The following MAP4K2 variants were observed in gnomAD, a reference collection of about 807,000 sequenced individuals.
MAP4K2 encodes the protein B lymphocyte serine/threonine protein kinase.
Under a neutral mutation model 125.3 loss-of-function variants are expected in MAP4K2, and 85 were observed. That is an observed-to-expected ratio of 0.68 (90% CI 0.57 to 0.81). The LOEUF is 0.81. Ranked by LOEUF, MAP4K2 falls within the 40% of genes least tolerant of loss-of-function variation. The pLI is 0.00. For synonymous variants in MAP4K2, 479 were observed against 445.1 expected (o/e 1.08, Z -0.96); for missense variants, 923 against 1,056.4 (o/e 0.87, Z 1.75).
At chr11:64,790,155 G>C in intron 29 of MAP4K2, 33 bp downstream of exon 29, 1 of 1,611,100 alleles carries the variant, frequency 6.2e-7, no homozygotes, top group African/African-American at 1.3e-5. Flanking sequence ...CCAGGCCAGG[G>C]AAAGGCCTGC....
Position 64,788,762 on chromosome 11 carries a change from TGGAG to T in MAP4K2, c.*771_*774del, listed in dbSNP as rs1425175042. 1 of 152,260 alleles carries T rather than the reference TGGAG, an allele frequency of 6.6e-6. No homozygotes were observed. The highest frequency in any genetic ancestry group is 1.5e-5 in the Non-Finnish European group (1 of 68,104). 9.4% of individuals were successfully genotyped at this position (152,260 alleles called of 1,614,324 possible). A position where few individuals can be genotyped will look rare whatever the true frequency, so the allele number is the denominator to read the frequency against. On this transcript the variant is annotated 3_prime_UTR_variant, in exon 32 of 32. Coordinates refer to ENST00000294066, the MANE Select transcript of MAP4K2 (RefSeq NM_004579.5). ...CCATGGGCAGCAGCCTCCATGGGAA[TGGAG>T]GGAACAGCCCTCTGGGGGCTCCTCC...
intron 7 of MAP4K2, 36 bp downstream of exon 7, chr11:64,801,543 G>T (rs529644955): frequency 6.2e-7 from 1 of 1,612,924 alleles, no homozygotes; most frequent in South Asian, 1.1e-5. Context: ...AGGGTCCACA[G>T]AGCCCTCACC....
Position 64,796,885 on chromosome 11 carries a change from G to A in MAP4K2, c.1416C>T (p.Ala472=), listed in dbSNP as rs1318773544. 1.2e-6 allele frequency: 2 copies of A among 1,613,992 alleles called. No homozygotes were observed. Among genetic ancestry groups the A allele is most frequent in the East Asian group, 4.5e-5 (2 of 44,884 alleles). The change falls in exon 21 of 32, where the codon GCC becomes GCT. Residue 472 remains alanine (A), a synonymous_variant. Coordinates refer to ENST00000294066, the MANE Select transcript of MAP4K2 (RefSeq NM_004579.5). ...LPPTPKVHMG[A]CFSKVFNGCP... The stretch of plus-strand genomic sequence containing the variant: ...AGCCATTGAAGACCTTGGAGAAGCA[G>A]GCGCCCATCTGCAGAGGAGGCAAGA...
chr11:64,789,489 G>T lies in MAP4K2; in HGVS notation c.*48C>A, dbSNP rs1335737945. On this transcript the variant is annotated 3_prime_UTR_variant, in exon 32 of 32. Transcript: ENST00000294066. ...GCCCCTTTGCCCAAAAGGGCCTGCA[G>T]CTAAGGCGTGGGGTGGGGCGGGGAG... 1.3e-6 allele frequency: 2 copies of T among 1,526,276 alleles called. No individual in the cohort carries two copies. The highest frequency in any genetic ancestry group is 1.4e-5 in the African/African-American group (1 of 72,650). 94.5% of individuals were successfully genotyped at this position (1,526,276 alleles called of 1,614,324 possible). A position where few individuals can be genotyped will look rare whatever the true frequency, so the allele number is the denominator to read the frequency against.
rs569452138 is a variant in MAP4K2 at position 64,787,347 on chromosome 11, A to C, written c.*2190T>G. On this transcript the variant is annotated 3_prime_UTR_variant, in exon 32 of 32. Coordinates refer to ENST00000294066, the MANE Select transcript of MAP4K2 (RefSeq NM_004579.5). ...CCTGGCCCCCCAGGATATATTTTTAAAGGGCAAGGTCAGTACAGTATGTGG... is the reference window on the plus strand; with the variant it reads ...CCTGGCCCCCCAGGATATATTTTTACAGGGCAAGGTCAGTACAGTATGTGG... 45 of 152,174 alleles carry C rather than the reference A, an allele frequency of 3.0e-4. No homozygotes were observed. Among genetic ancestry groups the C allele is most frequent in the African/African-American group, 1.1e-3 (44 of 41,522 alleles). The allele number at this position is 152,174 out of a possible 1,614,324, so 9.4% of individuals were successfully genotyped here.
chr11:64,790,149 G>A (rs1306292701), intron 29 of MAP4K2, 39 bp downstream of exon 29: 1 of 1,609,800 alleles, frequency 6.2e-7, no homozygotes, highest in East Asian at 2.2e-5. Context: ...CGTGCTCCAG[G>A]CCAGGGAAAG....
Position 64,796,852 on chromosome 11 carries a change from CA to C in MAP4K2, c.1448del (p.Leu483ArgfsTer21). 10 of 1,613,852 alleles carry C rather than the reference CA, an allele frequency of 6.2e-6. No individual in the cohort carries two copies. The highest frequency in any genetic ancestry group is 8.5e-6 in the Non-Finnish European group (10 of 1,180,036). On this transcript the variant is annotated frameshift_variant, in exon 21 of 32. Transcript: ENST00000294066. LOFTEE classifies it high-confidence loss of function. ...TCCAGGTGACAGCAGCGTGGATCCGCAGGGGGCAGCCATTGAAGACCTTGGA... is the reference window on the plus strand; with the variant it reads ...TCCAGGTGACAGCAGCGTGGATCCGCGGGGGCAGCCATTGAAGACCTTGGA... Reference protein sequence around the residue: ...CFSKVFNGCPLRIHAAVTWIH... With the variant: ...CFSKVFNGCPXRIHAAVTWIH...
intron 15 of MAP4K2, among the ~76,000 whole-genome samples, chr11:64,798,580 A>C (rs570562740): frequency 6.6e-6 from 1 of 151,868 alleles, no homozygotes; most frequent in Non-Finnish European, 1.5e-5. Context: ...GATTACAGGC[A>C]TGAGCCACCC....
chr11:64,792,876 C>T (rs190503213), intron 24 of MAP4K2, among the ~76,000 whole-genome samples: 2 of 152,270 alleles, frequency 1.3e-5, no homozygotes, highest in East Asian at 3.9e-4. Context: ...GACTTTCCAC[C>T]TATTTTGAGT....
chr11:64,799,317 G>T, intron 14 of MAP4K2, 104 bp downstream of exon 14: 1 of 1,427,488 alleles, frequency 7.0e-7, no homozygotes, highest in Non-Finnish European at 9.7e-7. Context: ...AAGGCCCGAG[G>T]CCACCCAGCT....
intron 4 of MAP4K2, 136 bp from the exon 5 acceptor site, chr11:64,802,257 G>C: frequency 9.3e-7 from 1 of 1,075,302 alleles, no homozygotes; most frequent in East Asian, 2.5e-5. Context: ...GTTTAGTCTA[G>C]GATACTGAAC....
Position 64,800,334 on chromosome 11 carries a change from G to T in MAP4K2, c.784C>A (p.Pro262Thr). 9 of 1,614,104 alleles carry T rather than the reference G, an allele frequency of 5.6e-6. No homozygotes were observed. Among genetic ancestry groups the T allele is most frequent in the Non-Finnish European group, 7.6e-6 (9 of 1,180,024 alleles). ...LALTKNPKKR[P>T]TAEKLLQHPF... The stretch of plus-strand genomic sequence containing the variant: ...ACCTGCAGGAGCTTCTCTGCTGTCG[G>T]CCTCTTCTTAGGATTCTTGGTCAGG... The change falls in exon 11 of 32, where the codon CCG becomes ACG. Residue 262 changes from proline to threonine, a missense_variant. Pro to Thr is a conservative substitution (Grantham distance 38). Around this residue, in one of 2 missense-constraint regions of MAP4K2, gnomAD observed 833 missense variants for 911.4 expected, o/e 0.91. Coordinates refer to ENST00000294066, the MANE Select transcript of MAP4K2 (RefSeq NM_004579.5).
chr11:64,792,320 C>G (rs751356194), intron 25 of MAP4K2, 44 bp downstream of exon 25: 5 of 1,562,202 alleles, frequency 3.2e-6, no homozygotes, highest in Admixed American at 3.7e-5. Context: ...GCCTGCGCTG[C>G]CCCCCACCAG....
chr11:64,789,513 A>C lies in MAP4K2; in HGVS notation c.*24T>G. On this transcript the variant is annotated 3_prime_UTR_variant, in exon 32 of 32. Coordinates refer to ENST00000294066, the MANE Select transcript of MAP4K2 (RefSeq NM_004579.5). ...AGCTAAGGCGTGGGGTGGGGCGGGG[A>C]GCCCCTGGACAGGCCCGCTGCTCTT... 1 of 1,556,534 alleles carries C rather than the reference A, an allele frequency of 6.4e-7. No individual in the cohort carries two copies. Among genetic ancestry groups the C allele is most frequent in the African/African-American group, 1.4e-5 (1 of 73,558 alleles).
In MAP4K2 at chr11:64,789,229, A is replaced by C; in HGVS notation, c.*308T>G. The C allele has an allele frequency of 6.9e-6, 3 of 432,100 alleles. No individual in the cohort carries two copies. The highest frequency in any genetic ancestry group is 2.0e-5 in the African/African-American group (1 of 50,364). The allele number at this position is 432,100 out of a possible 1,614,324, so 26.8% of individuals were successfully genotyped here. On this transcript the variant is annotated 3_prime_UTR_variant, in exon 32 of 32. Coordinates refer to ENST00000294066, the MANE Select transcript of MAP4K2 (RefSeq NM_004579.5). ...GGGGCAGGCTCTTGGCAGAAAGAGTAGAAAGGAAATGTGGAACAAAATGGA... is the reference window on the plus strand; with the variant it reads ...GGGGCAGGCTCTTGGCAGAAAGAGTCGAAAGGAAATGTGGAACAAAATGGA...
intron 2 of MAP4K2, 99 bp from the exon 3 acceptor site, chr11:64,802,752 G>GGCAGGT (rs1225846986): frequency 5.5e-5 from 80 of 1,466,330 alleles, no homozygotes; most frequent in African/African-American, 1.4e-4. Context: ...CTCCGGGCCA[G>GGCAGGT]GCAGGTGCAG....
rs1444985015 is a variant in MAP4K2 at position 64,790,281 on chromosome 11, A to AG, written c.2162-8dup. 6.2e-7 allele frequency: 1 copy of AG among 1,614,132 alleles called. No homozygotes were observed. The highest frequency in any genetic ancestry group is 2.2e-5 in the East Asian group (1 of 44,878). On this transcript the variant is annotated splice_polypyrimidine_tract_variant and splice_region_variant and intron_variant, in intron 28 of 31. Transcript: ENST00000294066. Reference sequence around the variant, plus strand: ...TTGACAATCCTCACACAGCCTGCACAGGGAAGGAATTGGTGAGTGGGGACG... The same window carrying AG: ...TTGACAATCCTCACACAGCCTGCACAGGGGAAGGAATTGGTGAGTGGGGACG...
chr11:64,801,031 C>T lies in MAP4K2; in HGVS notation c.531G>A (p.Trp177Ter). 1.9e-6 allele frequency: 3 copies of T among 1,613,912 alleles called. No individual in the cohort carries two copies. Among genetic ancestry groups the T allele is most frequent in the Non-Finnish European group, 2.5e-6 (3 of 1,180,002 alleles). ...CCACAGCAGCCACCTCGGGAGCCAT[C>T]CTAGAGGTGGGGTCACAGATGGGAT... ...KRRSFIGTPY[W>*]MAPEVAAVER... The change falls in exon 9 of 32, where the codon TGG becomes TGA. Residue 177 changes from tryptophan to a stop codon, truncating the protein, a stop_gained and splice_region_variant. Transcript: ENST00000294066. LOFTEE classifies it high-confidence loss of function.
At position 64,792,203 on chromosome 11, in the gene MAP4K2, T is replaced by C; in HGVS notation, c.1883A>G (p.Tyr628Cys). Reference sequence around the variant, plus strand: ...CAGCAGAAACTTCTGCAGCGGCTCATACCACTGCAGCAGGAGCAGGCTGGT... The same window carrying C: ...CAGCAGAAACTTCTGCAGCGGCTCACACCACTGCAGCAGGAGCAGGCTGGT... ...LPTSLLLLQWYEPLQKFLLLK... is the reference protein window; with the variant it reads ...LPTSLLLLQWCEPLQKFLLLK... The change falls in exon 26 of 32, where the codon TAT (tyrosine) becomes TGT (cysteine). Residue 628 changes from tyrosine (Y) to cysteine (C), a missense_variant. Coordinates refer to ENST00000294066, the MANE Select transcript of MAP4K2 (RefSeq NM_004579.5). 1.2e-6 allele frequency: 2 copies of C among 1,612,318 alleles called. No individual in the cohort carries two copies. The highest frequency in any genetic ancestry group is 1.7e-4 in the Middle Eastern group (1 of 6,040).
Sources: allele counts gnomAD v4.1 joint callset (sites outside exome capture counted in the v4.1 genomes callset), GRCh38; gene constraint gnomAD v4.1.1; regional missense constraint gnomAD v4.1.1; transcripts MANE v1.5; gene names NCBI Gene and HGNC (gene_info 2026-07-23, HGNC 2026-07-21).